Variants in MAP3K13 observed in about 807,000 individuals in gnomAD.
MAP3K13 encodes mitogen-activated protein kinase kinase kinase 13, also known as leucine zipper-bearing kinase.
Under a neutral mutation model 104.0 loss-of-function variants are expected in MAP3K13, and 52 were observed. That is an observed-to-expected ratio of 0.50 (90% confidence interval 0.40 to 0.63). The LOEUF (loss-of-function observed/expected upper bound fraction) is 0.63, where lower values mean the gene tolerates loss of function less well. Among genes scored for constraint, MAP3K13 ranks in the 20% least tolerant of loss-of-function variants. The pLI is 0.00. For missense variants in MAP3K13, 914 were observed against 1,218.5 expected, an observed-to-expected ratio of 0.75 and a Z score of 3.72; for synonymous variants, 394 against 442.2, an observed-to-expected ratio of 0.89 and a Z score of 1.37.
chr3:185,439,553 G>A (rs960180269), intron 3 of MAP3K13, among the ~76,000 whole-genome samples: 2 of 152,098 alleles, frequency 1.3e-5, no homozygotes, highest in East Asian at 1.9e-4. Flanking sequence ...TCACTAGGAC[G>A]CTGGGTTTGA....
chr3:185,383,003 C>A (rs557445989), intron 1 of MAP3K13, among the ~76,000 whole-genome samples: 1 of 125,470 alleles, frequency 8.0e-6, no homozygotes, highest in Non-Finnish European at 1.7e-5. Flanking sequence ...CAATGCTATC[C>A]CTCCCCCCTC....
intron 1 of MAP3K13, among the ~76,000 whole-genome samples, chr3:185,384,108 C>A (rs1042150547): frequency 1.3e-5 from 2 of 152,194 alleles, no homozygotes; most frequent in African/African-American, 4.8e-5. Flanking sequence ...CTTCTCCACT[C>A]TTCCCAGCTT....
chr3:185,311,187 G>A (rs896945978), intron 2 of MAP3K13, among the ~76,000 whole-genome samples: 2 of 152,024 alleles, frequency 1.3e-5, no homozygotes, highest in African/African-American at 2.4e-5. Context: ...TCATTTTCAT[G>A]CTGCTAATAA....
intron 1 of MAP3K13, among the ~76,000 whole-genome samples, chr3:185,366,899 A>G (rs1723915834): frequency 6.6e-6 from 1 of 152,146 alleles, no homozygotes; most frequent in African/African-American, 2.4e-5. Flanking sequence ...CACTTTCTTG[A>G]TAATATTGTT....
At chr3:185,344,534 C>T (rs1385578406) in intron 2 of MAP3K13, among the ~76,000 whole-genome samples, 7 of 152,178 alleles carry the variant, frequency 4.6e-5, no homozygotes, top group African/African-American at 9.7e-5. Flanking sequence ...ATGCACTTGA[C>T]CCCTTTCCAT....
intron 2 of MAP3K13, among the ~76,000 whole-genome samples, chr3:185,297,938 C>T (rs1720975990): frequency 6.6e-6 from 1 of 151,080 alleles, no homozygotes. Context: ...TCTTTCTGTT[C>T]ATGGTATGTA....
chr3:185,415,183 C>T (rs1266146646), intron 1 of MAP3K13, among the ~76,000 whole-genome samples: 2 of 151,996 alleles, frequency 1.3e-5, no homozygotes, highest in Non-Finnish European at 2.9e-5. Context: ...GACAGGGTCT[C>T]ACTCTGTCTT....
chr3:185,284,506 A>G (rs879453521), intron 1 of MAP3K13, among the ~76,000 whole-genome samples: 35 of 152,132 alleles, frequency 2.3e-4, no homozygotes, highest in Non-Finnish European at 4.7e-4. Flanking sequence ...ACTTGAGGTC[A>G]GGAGTTCGAG....
At chr3:185,291,492 T>C in intron 2 of MAP3K13, 2 of 920,656 alleles carry the variant, frequency 2.2e-6, no homozygotes, top group South Asian at 4.9e-5. Context: ...TCTCCTTTTG[T>C]TCTTTCAGCA....
chr3:185,396,371 A>AAAATAAAT (rs71164505), intron 1 of MAP3K13, among the ~76,000 whole-genome samples: 2 of 151,646 alleles, frequency 1.3e-5, no homozygotes, highest in African/African-American at 2.4e-5. Context: ...CTCTGTCTCA[A>AAAATAAAT]AAATAAATAA....
At chr3:185,288,675 A>C (rs1012780778) in intron 2 of MAP3K13, among the ~76,000 whole-genome samples, 1 of 152,078 alleles carries the variant, frequency 6.6e-6, no homozygotes, top group African/African-American at 2.4e-5. Context: ...CGAGTAGCTT[A>C]AATAATTTTC....
At chr3:185,457,076 A>T (rs1230910227) in intron 7 of MAP3K13, among the ~76,000 whole-genome samples, 2 of 152,224 alleles carry the variant, frequency 1.3e-5, no homozygotes, top group African/African-American at 4.8e-5. Flanking sequence ...TTCTGAAGCC[A>T]GTCACACATT....
chr3:185,374,477 C>G (rs902217828), intron 1 of MAP3K13, among the ~76,000 whole-genome samples: 19 of 152,038 alleles, frequency 1.2e-4, no homozygotes, highest in Admixed American at 3.9e-4. Flanking sequence ...AGAATGATTG[C>G]TGATGGCCTG....
intron 1 of MAP3K13, among the ~76,000 whole-genome samples, chr3:185,390,621 A>ATTTTTTTTT (rs750832762): frequency 2.0e-4 from 25 of 123,684 alleles, no homozygotes; most frequent in African/African-American, 7.7e-4. Context: ...TACAGTCAGA[A>ATTTTTTTTT]TTTTTTTTTT....
chr3:185,406,576 G>A (rs1713124406), intron 1 of MAP3K13, among the ~76,000 whole-genome samples: 1 of 152,136 alleles, frequency 6.6e-6, no homozygotes. Flanking sequence ...AATGGGATTA[G>A]ACATATGTAG....
intron 2 of MAP3K13, among the ~76,000 whole-genome samples, chr3:185,342,351 G>A (rs767599330): frequency 6.6e-6 from 1 of 152,150 alleles, no homozygotes; most frequent in Non-Finnish European, 1.5e-5. Flanking sequence ...AGTTTTCAAT[G>A]CAACCTGCAA....
intron 1 of MAP3K13, among the ~76,000 whole-genome samples, chr3:185,415,573 A>ATTTTTTTTTTTTTTTTTT (rs34633048): frequency 8.4e-6 from 1 of 119,452 alleles, no homozygotes. Flanking sequence ...AGAAGGGTTA[A>ATTTTTTTTTTTTTTTTTT]TTTCTTTTTT....
At position 185,428,753 on chromosome 3, in the gene MAP3K13, G is replaced by C; in HGVS notation, c.172G>C (p.Glu58Gln). 1.2e-6 allele frequency: 2 copies of C among 1,614,198 alleles called. No homozygotes were observed. Among genetic ancestry groups the C allele is most frequent in the Non-Finnish European group, 1.7e-6 (2 of 1,180,042 alleles). The change falls in exon 2 of 14, where the codon GAG becomes CAG. Residue 58 changes from glutamate (E) to glutamine (Q), a missense_variant. By Grantham distance (29) the Glu-to-Gln change is conservative (BLOSUM62 2). Around this residue, in one of 3 missense-constraint regions of MAP3K13, gnomAD observed 156 missense variants for 159.8 expected, o/e 0.98. Coordinates refer to ENST00000265026, the MANE Select transcript of MAP3K13 (RefSeq NM_004721.5). ...GGGGATGGTACGAACAGAGCTAATC[G>C]AGAGCGTGCACAGCCCCGTCACCAC... ...EKGMVRTELIESVHSPVTTTV... is the reference protein window; with the variant it reads ...EKGMVRTELIQSVHSPVTTTV...
chr3:185,323,245 A>G (rs1353586954), intron 2 of MAP3K13, among the ~76,000 whole-genome samples: 1 of 151,808 alleles, frequency 6.6e-6, no homozygotes, highest in Admixed American at 6.6e-5. Flanking sequence ...TAAAAGCCAG[A>G]CTTTATTTGG....
Sources: gnomAD v4.1 joint callset for allele counts (sites outside exome capture counted in the v4.1 genomes callset) on GRCh38, gnomAD v4.1.1 for gene constraint, gnomAD v4.1.1 regional missense constraint, MANE v1.5 for transcripts, NCBI Gene and HGNC (gene_info 2026-07-23, HGNC 2026-07-21) for gene names.